Variants in SEMA5A observed in about 807,000 individuals in gnomAD.
The protein encoded by SEMA5A is semaphorin 5A, also known as semaphorin-5A.
In SEMA5A, 55 loss-of-function variants were observed where a neutral mutation model predicts 135.5. That is an observed-to-expected ratio of 0.41 (90% CI 0.33 to 0.51). SEMA5A has a LOEUF of 0.51. SEMA5A is among the 20% of genes least tolerant of loss of function. The pLI is 0.37. For synonymous variants in SEMA5A, 580 were observed against 546.5 expected (o/e 1.06, Z -0.85); for missense variants, 1,290 against 1,419.9 (o/e 0.91, Z 1.47).
intron 5 of SEMA5A, among the ~76,000 whole-genome samples, chr5:9,264,847 C>G (rs952330902): frequency 1.1e-4 from 17 of 152,176 alleles, no homozygotes; most frequent in African/African-American, 4.1e-4. Context: ...ATTCATCACT[C>G]TCAAAAGTGT....
chr5:9,374,177 C>A lies in SEMA5A; in HGVS notation c.124+5646G>T, dbSNP rs3798008. ...ACACAGAGTCAGGCAAGTAACCTTG[C>A]AAACATAGCAAGCTGTTAAAGCGTG... On this transcript the variant is annotated intron_variant, in intron 3 of 22. Coordinates refer to ENST00000382496, the MANE Select transcript of SEMA5A (RefSeq NM_003966.3). Among the ~76,000 whole-genome samples, 15 of 152,160 alleles carry A rather than the reference C, an allele frequency of 9.9e-5. No individual in the cohort carries two copies. In the East Asian group the frequency reaches 2.9e-3, roughly 29 times the overall value.
At chr5:9,471,347 G>A (rs1325058343) in intron 1 of SEMA5A, among the ~76,000 whole-genome samples, 1 of 152,144 alleles carries the variant, frequency 6.6e-6, no homozygotes, top group African/African-American at 2.4e-5. Flanking sequence ...ACGAGGCAAA[G>A]GAAAGCTGCC....
chr5:9,133,451 T>TCACA (rs1741549735), intron 13 of SEMA5A, among the ~76,000 whole-genome samples: 2 of 152,184 alleles, frequency 1.3e-5, no homozygotes, highest in Non-Finnish European at 2.9e-5. Context: ...CTAAAGTGTA[T>TCACA]CTTGATATGT....
At chr5:9,531,135 C>T (rs1278070750) in intron 1 of SEMA5A, among the ~76,000 whole-genome samples, 1 of 152,160 alleles carries the variant, frequency 6.6e-6, no homozygotes, top group Non-Finnish European at 1.5e-5. Flanking sequence ...CCTTGTGAGA[C>T]CTCGAGCACA....
intron 1 of SEMA5A, among the ~76,000 whole-genome samples, chr5:9,518,536 TG>T (rs1736647437): frequency 6.6e-6 from 1 of 152,230 alleles, no homozygotes; most frequent in South Asian, 2.1e-4. Flanking sequence ...AATGTACACA[TG>T]ATTTATGGAG....
chr5:9,051,922 C>T lies in SEMA5A; in HGVS notation c.2796G>A (p.Gly932=). ...CACACGGCCGGCTCTCCGTGGTGTT[C>T]CCGGAGCACTGGCTGCCCATGGGGA... ...LLFPMGSQCS[G]NTTESRPCVF... is the part of the protein sequence containing the mutation. The change falls in exon 20 of 23, where the codon GGG becomes GGA. Residue 932 remains glycine, a synonymous_variant. Transcript: ENST00000382496. 1 of 1,614,138 alleles carries T rather than the reference C, an allele frequency of 6.2e-7. No homozygotes were observed. Among genetic ancestry groups the T allele is most frequent in the Non-Finnish European group, 8.5e-7 (1 of 1,180,028 alleles).
intron 20 of SEMA5A, 54 bp downstream of exon 20, chr5:9,051,819 T>C: frequency 6.2e-7 from 1 of 1,602,872 alleles, no homozygotes; most frequent in African/African-American, 1.3e-5. Flanking sequence ...AATCATTTTC[T>C]CTCTCCATGT....
intron 8 of SEMA5A, among the ~76,000 whole-genome samples, chr5:9,206,766 G>T (rs1254261663): frequency 6.6e-6 from 1 of 151,630 alleles, no homozygotes. Context: ...TGAGACACTT[G>T]CCAAAGTCAG....
chr5:9,154,060 AAAATATATAT>A (rs1227922976), intron 12 of SEMA5A, among the ~76,000 whole-genome samples: 2 of 50,252 alleles, frequency 4.0e-5, no homozygotes, highest in African/African-American at 1.0e-4. Context: ...AAAAAAAAAA[AAAATATATAT>A]ATATATATAT....
At chr5:9,206,845 T>C (rs946767221) in intron 8 of SEMA5A, among the ~76,000 whole-genome samples, 4 of 151,452 alleles carry the variant, frequency 2.6e-5, no homozygotes, top group Non-Finnish European at 4.4e-5. Flanking sequence ...TGATATTTTC[T>C]GTTGTTGCAT....
intron 19 of SEMA5A, among the ~76,000 whole-genome samples, chr5:9,052,540 C>T (rs1736643988): frequency 6.6e-6 from 1 of 152,146 alleles, no homozygotes; most frequent in Non-Finnish European, 1.5e-5. Flanking sequence ...TCTGAAGCTA[C>T]ACAATTACTT....
At chr5:9,111,242 A>C (rs1345052383) in intron 15 of SEMA5A, among the ~76,000 whole-genome samples, 1 of 152,194 alleles carries the variant, frequency 6.6e-6, no homozygotes, top group Non-Finnish European at 1.5e-5. Flanking sequence ...GACTTGTTAG[A>C]AAACTTGATC....
At chr5:9,459,838 C>T (rs1220365842) in intron 1 of SEMA5A, among the ~76,000 whole-genome samples, 1 of 152,022 alleles carries the variant, frequency 6.6e-6, no homozygotes, top group Non-Finnish European at 1.5e-5. Context: ...TTCAATGGAA[C>T]TGGTCTATAA....
chr5:9,525,795 T>C (rs1737092946), intron 1 of SEMA5A, among the ~76,000 whole-genome samples: 3 of 152,226 alleles, frequency 2.0e-5, no homozygotes, highest in Admixed American at 2.0e-4. Context: ...ATTGTATCTT[T>C]TTTTCTTTAC....
intron 16 of SEMA5A, among the ~76,000 whole-genome samples, chr5:9,077,873 T>C (rs1046680311): frequency 6.6e-6 from 1 of 152,246 alleles, no homozygotes; most frequent in Non-Finnish European, 1.5e-5. Flanking sequence ...GATGTATGTA[T>C]GTGCACAACA....
At chr5:9,201,814 G>T in intron 9 of SEMA5A, 141 bp downstream of exon 9, 1 of 750,142 alleles carries the variant, frequency 1.3e-6, no homozygotes, top group Non-Finnish European at 2.1e-6. Flanking sequence ...CTACTGAAAA[G>T]TCCTCTTTTT....
intron 6 of SEMA5A, among the ~76,000 whole-genome samples, chr5:9,232,518 A>G (rs1747685277): frequency 6.6e-6 from 1 of 152,202 alleles, no homozygotes; most frequent in South Asian, 2.1e-4. Flanking sequence ...GTGTGTGTAT[A>G]AAGGTTGTAT....
chr5:9,293,190 G>GTCTCTC (rs55994381), intron 5 of SEMA5A, among the ~76,000 whole-genome samples: 2 of 150,692 alleles, frequency 1.3e-5, no homozygotes, highest in African/African-American at 4.9e-5. Context: ...GAGCTCTCAG[G>GTCTCTC]TCTCTCTCTC....
chr5:9,221,504 G>T (rs564355688), intron 8 of SEMA5A, among the ~76,000 whole-genome samples: 5 of 150,768 alleles, frequency 3.3e-5, no homozygotes, highest in Middle Eastern at 3.4e-3. Context: ...GGGTTTCACA[G>T]TGTTAGCCAG....
Sources: gnomAD v4.1 joint callset for allele counts (sites outside exome capture counted in the v4.1 genomes callset) on GRCh38, gnomAD v4.1.1 for gene constraint, MANE v1.5 for transcripts, NCBI Gene and HGNC (gene_info 2026-07-23, HGNC 2026-07-21) for gene names.